The following PSTPIP2 variants were observed in gnomAD, a reference collection of about 807,000 sequenced individuals.
The protein encoded by PSTPIP2 is proline-serine-threonine phosphatase-interacting protein 2.
In PSTPIP2, 33 loss-of-function variants were observed where a neutral mutation model predicts 63.3. That is an observed-to-expected ratio of 0.52 (90% CI 0.40 to 0.70). The LOEUF (loss-of-function observed/expected upper bound fraction) is 0.70. PSTPIP2 is among the 30% of genes least tolerant of loss of function. The pLI, the probability that PSTPIP2 is intolerant of heterozygous loss-of-function variation, is 0.00. For missense variants in PSTPIP2, 312 were observed against 400.7 expected, an observed-to-expected ratio of 0.78 and a Z score of 1.89; for synonymous variants, 125 against 132.7, an observed-to-expected ratio of 0.94 and a Z score of 0.40.
chr18:46,070,145 C>A (rs1909340491), intron 1 of PSTPIP2, among the ~76,000 whole-genome samples: 1 of 152,164 alleles, frequency 6.6e-6, no homozygotes, highest in Non-Finnish European at 1.5e-5. Context: ...TGGATTCAAG[C>A]CCGGGCAGCC....
intron 1 of PSTPIP2, among the ~76,000 whole-genome samples, chr18:46,063,614 T>TACACACACAC (rs34948592): frequency 2.0e-5 from 3 of 148,482 alleles, no homozygotes; most frequent in African/African-American, 7.5e-5. Context: ...ACATGTGAAT[T>TACACACACAC]ACACACACAC....
At chr18:46,026,347 C>T (rs947747655) in intron 2 of PSTPIP2, among the ~76,000 whole-genome samples, 1 of 152,164 alleles carries the variant, frequency 6.6e-6, no homozygotes, top group Admixed American at 6.5e-5. Context: ...ATTTTATACG[C>T]TTATTGTTTA....
intron 12 of PSTPIP2, among the ~76,000 whole-genome samples, chr18:45,991,542 T>G (rs2051532911): frequency 6.6e-6 from 1 of 152,184 alleles, no homozygotes. Context: ...TCCAGCCATT[T>G]AAAAATGTAA....
At chr18:46,054,850 G>A (rs990544541) in intron 1 of PSTPIP2, among the ~76,000 whole-genome samples, 5 of 151,750 alleles carry the variant, frequency 3.3e-5, no homozygotes, top group African/African-American at 7.3e-5. Context: ...TAGTAGAAAC[G>A]GGGCTTTACC....
intron 5 of PSTPIP2, among the ~76,000 whole-genome samples, chr18:46,006,965 A>T (rs2051735436): frequency 6.6e-6 from 1 of 152,120 alleles, no homozygotes; most frequent in African/African-American, 2.4e-5. Context: ...TGAAATTTGA[A>T]CCCAGTAGCC....
At chr18:46,012,247 T>C (rs1258073857) in intron 4 of PSTPIP2, among the ~76,000 whole-genome samples, 1 of 151,968 alleles carries the variant, frequency 6.6e-6, no homozygotes, top group Non-Finnish European at 1.5e-5. Flanking sequence ...TTGGCAAGCA[T>C]GGGACAAAAC....
At chr18:46,041,585 C>A (rs963925256) in intron 1 of PSTPIP2, among the ~76,000 whole-genome samples, 2 of 152,226 alleles carry the variant, frequency 1.3e-5, no homozygotes, top group African/African-American at 4.8e-5. Flanking sequence ...CTACTGTGCT[C>A]TCCAAGGTTG....
chr18:45,995,331 G>C (rs1275604717), intron 9 of PSTPIP2, among the ~76,000 whole-genome samples: 1 of 151,992 alleles, frequency 6.6e-6, no homozygotes, highest in East Asian at 1.9e-4. Flanking sequence ...TTGAACTCCT[G>C]GGCTCAAGCA....
At chr18:46,067,298 CG>C (rs1420057306) in intron 1 of PSTPIP2, among the ~76,000 whole-genome samples, 2 of 151,736 alleles carry the variant, frequency 1.3e-5, no homozygotes, top group African/African-American at 2.4e-5. Flanking sequence ...ATCAGGAGAT[CG>C]AGACCATCCT....
intron 1 of PSTPIP2, among the ~76,000 whole-genome samples, chr18:46,056,356 T>G (rs1369576578): frequency 6.6e-6 from 1 of 152,182 alleles, no homozygotes; most frequent in Non-Finnish European, 1.5e-5. Flanking sequence ...GTCACCCTCC[T>G]CCAGGGCCCC....
At chr18:45,988,246 A>G (rs2051486997) in intron 14 of PSTPIP2, among the ~76,000 whole-genome samples, 1 of 152,036 alleles carries the variant, frequency 6.6e-6, no homozygotes, top group Admixed American at 6.6e-5. Context: ...AGCCTGGCCA[A>G]CATGGTGAAG....
intron 2 of PSTPIP2, among the ~76,000 whole-genome samples, chr18:46,038,382 C>T (rs1908060231): frequency 6.6e-6 from 1 of 152,088 alleles, no homozygotes; most frequent in Non-Finnish European, 1.5e-5. Context: ...CCTTGGATGG[C>T]CCCCCAGGCA....
At position 46,072,203 on chromosome 18, in the gene PSTPIP2, G is replaced by C. The variant is rs762404487; in HGVS notation, c.-15C>G. The C allele has an allele frequency of 1.3e-6, 2 of 1,534,664 alleles. No individual in the cohort carries two copies. Among genetic ancestry groups the C allele is most frequent in the Non-Finnish European group, 1.8e-6 (2 of 1,140,690 alleles). On this transcript the variant is annotated 5_prime_UTR_variant, in exon 1 of 15. Transcript: ENST00000409746. Reference sequence around the variant, plus strand: ...GAGCGCGTCATCGCAGCGCGAGTGGGGGCGCGGAGGAGAGCCGGGCCGCAG... The same window carrying C: ...GAGCGCGTCATCGCAGCGCGAGTGGCGGCGCGGAGGAGAGCCGGGCCGCAG...
intron 9 of PSTPIP2, among the ~76,000 whole-genome samples, chr18:45,997,019 C>T (rs1397785407): frequency 6.6e-6 from 1 of 152,210 alleles, no homozygotes. Flanking sequence ...AAGATAATTA[C>T]TTAATCGACC....
chr18:46,010,904 C>T (rs924525696), intron 5 of PSTPIP2: 6 of 355,090 alleles, frequency 1.7e-5, no homozygotes, highest in Non-Finnish European at 2.6e-5. Context: ...GAGGGTTCCC[C>T]TTTCCATTCA....
chr18:46,065,681 G>A (rs974516971), intron 1 of PSTPIP2, among the ~76,000 whole-genome samples: 2 of 152,134 alleles, frequency 1.3e-5, no homozygotes, highest in Non-Finnish European at 2.9e-5. Flanking sequence ...CGGCCAGGCT[G>A]GTCTCGAACT....
chr18:46,062,810 G>A (rs556580751), intron 1 of PSTPIP2, among the ~76,000 whole-genome samples: 10 of 151,962 alleles, frequency 6.6e-5, no homozygotes, highest in African/African-American at 2.2e-4. Context: ...CCACCATCCC[G>A]GCAGGTAAAC....
intron 1 of PSTPIP2, among the ~76,000 whole-genome samples, chr18:46,054,934 T>A (rs1344928283): frequency 6.6e-6 from 1 of 152,146 alleles, no homozygotes; most frequent in Non-Finnish European, 1.5e-5. Context: ...TACTAATTTT[T>A]AAAAATTGTT....
In PSTPIP2 at chr18:45,992,196, C is replaced by T. The variant is rs1319638480; in HGVS notation, c.748G>A (p.Glu250Lys). 2 of 1,579,698 alleles carry T rather than the reference C, an allele frequency of 1.3e-6. No homozygotes were observed. Among genetic ancestry groups the T allele is most frequent in the East Asian group, 2.3e-5 (1 of 43,662 alleles). ...ATTTCTAAACTCTTTCGGACTTGTTCGTACATCTAATAAAAAAAGGTCAAT... is the reference window on the plus strand; with the variant it reads ...ATTTCTAAACTCTTTCGGACTTGTTTGTACATCTAATAAAAAAAGGTCAAT... ...QQCVTSDEMY[E>K]QVRKSLEMCS... Residue 250 changes from glutamate (E) to lysine (K), a missense_variant, in exon 11 of 15, where the codon GAA (glutamate) becomes AAA (lysine). By Grantham distance (56) the Glu-to-Lys change is moderately conservative. Transcript: ENST00000409746.
Sources: allele counts gnomAD v4.1 joint callset (sites outside exome capture counted in the v4.1 genomes callset), GRCh38; gene constraint gnomAD v4.1.1; transcripts MANE v1.5; gene names NCBI Gene and HGNC (gene_info 2026-07-23, HGNC 2026-07-21).